DCC: variants seen among roughly 807,000 people sequenced by gnomAD.
DCC encodes netrin receptor DCC.
Under a neutral mutation model 172.5 loss-of-function variants are expected in DCC, and 58 were observed. That is an observed-to-expected ratio of 0.34 (90% CI 0.27 to 0.42). DCC has a LOEUF of 0.42. Among genes scored for constraint, DCC ranks in the 10% least tolerant of loss-of-function variants. The probability of loss-of-function intolerance (pLI) is 1.00; values close to 1 mark genes in which losing one functional copy is unlikely to be tolerated. For synonymous variants in DCC, 709 were observed against 644.5 expected, an observed-to-expected ratio of 1.10 and a Z score of -1.52; for missense variants, 1,740 against 1,791.0, an observed-to-expected ratio of 0.97 and a Z score of 0.51.
At chr18:52,351,724 C>A (rs1217915381) in intron 1 of DCC, among the ~76,000 whole-genome samples, 2 of 152,140 alleles carry the variant, frequency 1.3e-5, no homozygotes, top group African/African-American at 4.8e-5. Context: ...GTTTAGTAAA[C>A]CTAAACCTAA....
Position 53,277,516 on chromosome 18 carries a change from T to C in DCC, c.1912-28062T>C, listed in dbSNP as rs139508134. The stretch of plus-strand genomic sequence containing the variant: ...ATTTTGGCAAAATTAGAAGATCTTA[T>C]GGAATGGTTTGTCTCATTCAATTTC... On this transcript the variant is annotated intron_variant, in intron 12 of 28. Coordinates refer to ENST00000442544, the MANE Select transcript of DCC (RefSeq NM_005215.4). 3.0e-3 allele frequency among the ~76,000 whole-genome samples: 463 copies of C among 152,302 alleles called. 4 individuals carry two copies. Among genetic ancestry groups the C allele is most frequent in the African/African-American group, 0.011 (440 of 41,582 alleles).
chr18:52,830,243 A>T (rs138671514), intron 2 of DCC, among the ~76,000 whole-genome samples: 175 of 152,312 alleles, frequency 1.1e-3, no homozygotes, highest in African/African-American at 3.5e-3. Flanking sequence ...ATGTGGTCCA[A>T]CACAAACTCA....
At chr18:53,360,757 A>C (rs10502969) in intron 15 of DCC, among the ~76,000 whole-genome samples, 15,968 of 152,196 alleles carry the variant, frequency 0.1, 905 homozygotes, top group Middle Eastern at 0.19. Context: ...ATAGCATAGA[A>C]TATTACTGAA....
At chr18:52,414,531 C>T (rs1598799154) in intron 1 of DCC, among the ~76,000 whole-genome samples, 1 of 152,146 alleles carries the variant, frequency 6.6e-6, no homozygotes, top group Non-Finnish European at 1.5e-5. Flanking sequence ...AGCTCCCTTT[C>T]TCTTTTATAA....
At chr18:52,552,929 T>A (rs2032815896) in intron 1 of DCC, among the ~76,000 whole-genome samples, 1 of 152,106 alleles carries the variant, frequency 6.6e-6, no homozygotes, top group African/African-American at 2.4e-5. Context: ...ACATAATGTC[T>A]ATTTGTACCT....
chr18:53,407,619 A>G (rs1909750544), intron 19 of DCC, among the ~76,000 whole-genome samples: 1 of 147,518 alleles, frequency 6.8e-6, no homozygotes, highest in Non-Finnish European at 1.5e-5. Context: ...AACATAGTGA[A>G]GGCAAATATT....
chr18:52,560,966 A>T (rs1326117592), intron 1 of DCC, among the ~76,000 whole-genome samples: 2 of 152,104 alleles, frequency 1.3e-5, no homozygotes, highest in Admixed American at 1.3e-4. Context: ...TTATAATTTT[A>T]TGTGTTCATG....
intron 3 of DCC, among the ~76,000 whole-genome samples, chr18:52,917,137 C>CAAAAAAAAAAAAAAAAAAAAAA (rs146388621): frequency 2.1e-5 from 2 of 94,786 alleles, no homozygotes; most frequent in African/African-American, 3.7e-5. Context: ...AAAAAGAAAA[C>CAAAAAAAAAAAAAAAAAAAAAA]AAAAAAAAAA....
chr18:53,138,324 C>T (rs1315826933), intron 7 of DCC, among the ~76,000 whole-genome samples: 7 of 152,076 alleles, frequency 4.6e-5, no homozygotes, highest in Non-Finnish European at 1.0e-4. Flanking sequence ...AAAATGAATC[C>T]ACATTCTTGA....
chr18:52,565,699 G>A (rs983728636), intron 1 of DCC, among the ~76,000 whole-genome samples: 2 of 151,818 alleles, frequency 1.3e-5, no homozygotes, highest in African/African-American at 4.8e-5. Flanking sequence ...TTTTTTTCTT[G>A]TAAATTTGTT....
chr18:52,620,740 A>G (rs2034463445), intron 1 of DCC, among the ~76,000 whole-genome samples: 1 of 152,166 alleles, frequency 6.6e-6, no homozygotes, highest in Non-Finnish European at 1.5e-5. Context: ...TGTCGGAGGA[A>G]AAAAATAGGT....
intron 5 of DCC, among the ~76,000 whole-genome samples, chr18:52,932,825 C>T (rs1453287032): frequency 1.3e-5 from 2 of 151,522 alleles, no homozygotes; most frequent in African/African-American, 2.4e-5. Context: ...CATATATATG[C>T]AATACATGCA....
intron 15 of DCC, among the ~76,000 whole-genome samples, chr18:53,353,920 A>G (rs892182981): frequency 1.3e-5 from 2 of 151,744 alleles, no homozygotes; most frequent in Non-Finnish European, 2.9e-5. Flanking sequence ...CCCTCCCCCG[A>G]CCTCACGACA....
At chr18:52,775,421 T>G (rs2037412665) in intron 2 of DCC, among the ~76,000 whole-genome samples, 1 of 152,224 alleles carries the variant, frequency 6.6e-6, no homozygotes, top group Non-Finnish European at 1.5e-5. Flanking sequence ...AGGACAGATC[T>G]TTCTGTATCC....
At chr18:53,112,400 A>G (rs1224765121) in intron 7 of DCC, among the ~76,000 whole-genome samples, 1 of 151,560 alleles carries the variant, frequency 6.6e-6, no homozygotes, top group Non-Finnish European at 1.5e-5. Context: ...TCTATTGTAC[A>G]GTTGACACAA....
chr18:52,356,419 G>A (rs975104500), intron 1 of DCC, among the ~76,000 whole-genome samples: 1 of 152,170 alleles, frequency 6.6e-6, no homozygotes, highest in African/African-American at 2.4e-5. Flanking sequence ...TGCGTAAAGG[G>A]TGTTAGCTAG....
chr18:52,719,200 G>A (rs933380782), intron 1 of DCC, among the ~76,000 whole-genome samples: 5 of 109,964 alleles, frequency 4.5e-5, no homozygotes, highest in African/African-American at 1.4e-4. Context: ...AACACAGGAT[G>A]ATTTCATCCT....
intron 27 of DCC, among the ~76,000 whole-genome samples, chr18:53,519,525 A>AGTGTTTTTT (rs2046376094): frequency 1.4e-5 from 2 of 144,496 alleles, no homozygotes; most frequent in African/African-American, 5.0e-5. Flanking sequence ...CCCAAAATGA[A>AGTGTTTTTT]GTGTTTTTTT....
At chr18:53,527,418 G>A (rs370546583) in intron 28 of DCC, among the ~76,000 whole-genome samples, 1 of 151,418 alleles carries the variant, frequency 6.6e-6, no homozygotes, top group African/African-American at 2.4e-5. Flanking sequence ...AAAATATAGT[G>A]ACAAAAAGCT....
Sources: allele counts gnomAD v4.1 joint callset (sites outside exome capture counted in the v4.1 genomes callset), GRCh38; gene constraint gnomAD v4.1.1; transcripts MANE v1.5; gene names NCBI Gene and HGNC (gene_info 2026-07-23, HGNC 2026-07-21).